Variants in CNTN3 observed in about 807,000 individuals in gnomAD.
The protein encoded by CNTN3 is contactin-3.
Under a neutral mutation model 119.1 loss-of-function variants are expected in CNTN3, and 60 were observed. The observed-to-expected ratio is 0.50, with a 90% CI of 0.41 to 0.62. The LOEUF is 0.62. Ranked by LOEUF, CNTN3 falls within the 20% of genes least tolerant of loss-of-function variation. The pLI is 0.00. For missense variants in CNTN3, 1,101 were observed against 1,242.4 expected, an observed-to-expected ratio of 0.89 and a Z score of 1.71; for synonymous variants, 450 against 438.7, an observed-to-expected ratio of 1.03 and a Z score of -0.32.
intron 1 of CNTN3, among the ~76,000 whole-genome samples, chr3:74,614,095 C>G (rs1705128480): frequency 6.6e-6 from 1 of 152,146 alleles, no homozygotes; most frequent in African/African-American, 2.4e-5. Flanking sequence ...TTTAACTGGT[C>G]AAATCCACTG....
chr3:74,368,127 C>A (rs893811868), intron 8 of CNTN3, among the ~76,000 whole-genome samples: 4 of 152,068 alleles, frequency 2.6e-5, no homozygotes, highest in African/African-American at 9.7e-5. Context: ...TGCTACCAAA[C>A]AATGCCTCCA....
At chr3:74,545,118 C>A (rs1194703118) in intron 1 of CNTN3, among the ~76,000 whole-genome samples, 4 of 151,924 alleles carry the variant, frequency 2.6e-5, no homozygotes, top group African/African-American at 4.8e-5. Context: ...GTTTCAAATA[C>A]CCTTTGGTAT....
chr3:74,607,321 G>T (rs1049484989), intron 1 of CNTN3, among the ~76,000 whole-genome samples: 1 of 152,176 alleles, frequency 6.6e-6, no homozygotes, highest in Non-Finnish European at 1.5e-5. Flanking sequence ...GCAGGCATCA[G>T]ATTAGATCAC....
At position 74,417,187 on chromosome 3, in the gene CNTN3, G is replaced by T. The variant is rs114996875; in HGVS notation, c.454+7658C>A. On this transcript the variant is annotated intron_variant, in intron 5 of 22. Transcript: ENST00000263665. ...ATGGCACCTATTATTGTCATTCTAG[G>T]GTTAACTAGTCACTAGCAAACTCAT... 4.1e-3 allele frequency among the ~76,000 whole-genome samples: 626 copies of T among 152,058 alleles called. 2 individuals carry two copies. Among genetic ancestry groups the T allele is most frequent in the African/African-American group, 0.014 (570 of 41,478 alleles).
chr3:74,567,609 G>A (rs776518543), intron 1 of CNTN3, among the ~76,000 whole-genome samples: 2 of 152,000 alleles, frequency 1.3e-5, no homozygotes, highest in Non-Finnish European at 2.9e-5. Flanking sequence ...TGCTACTAGG[G>A]AGCAGGGGGC....
At chr3:74,329,332 T>C (rs72894315) in intron 13 of CNTN3, among the ~76,000 whole-genome samples, 5,118 of 152,282 alleles carry the variant, frequency 0.034, 275 homozygotes, top group African/African-American at 0.11. Flanking sequence ...TTACTTCCAG[T>C]GACTTTTATC....
chr3:74,391,337 CAGG>C (rs1704895364), intron 5 of CNTN3, among the ~76,000 whole-genome samples: 1 of 152,096 alleles, frequency 6.6e-6, no homozygotes, highest in South Asian at 2.1e-4. Flanking sequence ...AAGTAGTGCT[CAGG>C]TGTATGGGCT....
intron 11 of CNTN3, among the ~76,000 whole-genome samples, chr3:74,359,876 T>A (rs1203194441): frequency 6.6e-6 from 1 of 152,138 alleles, no homozygotes; most frequent in Non-Finnish European, 1.5e-5. Flanking sequence ...GAGTTCCATA[T>A]GAAGAGTTAA....
At chr3:74,553,673 T>C (rs557812123) in intron 1 of CNTN3, among the ~76,000 whole-genome samples, 1 of 152,344 alleles carries the variant, frequency 6.6e-6, no homozygotes, top group Admixed American at 6.5e-5. Context: ...GATTTGCATT[T>C]CTCCATTTTT....
At chr3:74,300,525 GCA>G (rs1368539348) in intron 16 of CNTN3, among the ~76,000 whole-genome samples, 1 of 152,148 alleles carries the variant, frequency 6.6e-6, no homozygotes, top group Non-Finnish European at 1.5e-5. Context: ...AAAGTGCTGA[GCA>G]CAGAGAGGAT....
chr3:74,543,009 T>A (rs1703863278), intron 1 of CNTN3, among the ~76,000 whole-genome samples: 1 of 152,022 alleles, frequency 6.6e-6, no homozygotes, highest in South Asian at 2.1e-4. Context: ...TGTAGTGTAG[T>A]CCCAGCTACT....
intron 13 of CNTN3, among the ~76,000 whole-genome samples, chr3:74,309,678 G>A (rs73109127): frequency 0.098 from 14,861 of 151,986 alleles, 964 homozygotes; most frequent in Non-Finnish European, 0.14. Context: ...AAACCTCCTG[G>A]GATATTGCAT....
At chr3:74,552,397 A>C (rs116643258) in intron 1 of CNTN3, among the ~76,000 whole-genome samples, 2,966 of 152,268 alleles carry the variant, frequency 0.019, 117 homozygotes, top group African/African-American at 0.069. Flanking sequence ...AAATGGCTGT[A>C]CCGTTTTACA....
intron 19 of CNTN3, 106 bp downstream of exon 19, chr3:74,295,015 G>T: frequency 3.1e-6 from 2 of 654,068 alleles, no homozygotes; most frequent in Non-Finnish European, 5.1e-6. Context: ...AAAAATTTCG[G>T]CCAAAGACAG....
chr3:74,348,499 T>C (rs907770162), intron 11 of CNTN3, among the ~76,000 whole-genome samples: 2 of 152,162 alleles, frequency 1.3e-5, no homozygotes, highest in South Asian at 2.1e-4. Flanking sequence ...ACATTCATTC[T>C]TAATGCCTTT....
intron 1 of CNTN3, among the ~76,000 whole-genome samples, chr3:74,551,838 A>G (rs1224455170): frequency 7.8e-6 from 1 of 127,398 alleles, no homozygotes; most frequent in East Asian, 2.4e-4. Context: ...ATCTCGGTGC[A>G]CTGCAGCCTC....
chr3:74,320,233 G>A (rs1296047385), intron 13 of CNTN3, among the ~76,000 whole-genome samples: 1 of 152,136 alleles, frequency 6.6e-6, no homozygotes, highest in Non-Finnish European at 1.5e-5. Flanking sequence ...GTTTATTGCA[G>A]CACTATTCAC....
At chr3:74,325,178 A>C (rs74589669) in intron 13 of CNTN3, among the ~76,000 whole-genome samples, 1,917 of 152,128 alleles carry the variant, frequency 0.013, 34 homozygotes, top group African/African-American at 0.044. Flanking sequence ...ATTTTGTTTT[A>C]TAACTTTTGA....
At chr3:74,367,124 T>C (rs1185625090) in intron 8 of CNTN3, among the ~76,000 whole-genome samples, 1 of 151,948 alleles carries the variant, frequency 6.6e-6, no homozygotes, top group Non-Finnish European at 1.5e-5. Context: ...TAGACTATTT[T>C]TTACATGAAA....
Sources: allele counts gnomAD v4.1 joint callset (sites outside exome capture counted in the v4.1 genomes callset), GRCh38; gene constraint gnomAD v4.1.1; transcripts MANE v1.5; gene names NCBI Gene and HGNC (gene_info 2026-07-23, HGNC 2026-07-21).